SLC14A2: variants seen among roughly 807,000 people sequenced by gnomAD.
SLC14A2 encodes the protein solute carrier family 14 member 2, also known as urea transporter 2.
In SLC14A2, 91 loss-of-function variants were observed where a neutral mutation model predicts 104.6. The ratio of observed to expected loss-of-function variants is 0.87; its 90% CI spans 0.73 to 1.04. The LOEUF (loss-of-function observed/expected upper bound fraction) is 1.04, where lower values mean the gene tolerates loss of function less well. Ranked by LOEUF, SLC14A2 falls within the 50% of genes least tolerant of loss-of-function variation. SLC14A2 has a pLI of 0.00. For synonymous variants in SLC14A2, 476 were observed against 466.4 expected, an observed-to-expected ratio of 1.02 and a Z score of -0.27; for missense variants, 1,189 against 1,156.0, an observed-to-expected ratio of 1.03 and a Z score of -0.41.
the SLC14A2 span, among the ~76,000 whole-genome samples, chr18:45,174,980 T>A: frequency 1.2e-4 from 19 of 152,320 alleles, no homozygotes; most frequent in Non-Finnish European, 2.8e-4. Context: ...TACCCTGTTG[T>A]CAAGGCTGTG....
chr18:45,216,921 C>G (rs963977326), intron 1 of SLC14A2, among the ~76,000 whole-genome samples: 1 of 152,180 alleles, frequency 6.6e-6, no homozygotes, highest in South Asian at 2.1e-4. Flanking sequence ...CTCTTCCTAT[C>G]TGGTGAGAAC....
chr18:45,323,364 C>T (rs1357951175), intron 1 of SLC14A2, among the ~76,000 whole-genome samples: 1 of 152,200 alleles, frequency 6.6e-6, no homozygotes, highest in Non-Finnish European at 1.5e-5. Context: ...TTGTGTTAAA[C>T]ATCATTCTTT....
At chr18:45,546,027 T>G (rs894675775) in intron 2 of SLC14A2, among the ~76,000 whole-genome samples, 1 of 152,350 alleles carries the variant, frequency 6.6e-6, no homozygotes, top group South Asian at 2.1e-4. Flanking sequence ...TTTGGGAACC[T>G]TTTGTATATT....
chr18:45,370,105 C>A (rs1043892132), intron 1 of SLC14A2, among the ~76,000 whole-genome samples: 2 of 152,120 alleles, frequency 1.3e-5, no homozygotes, highest in African/African-American at 4.8e-5. Context: ...CCTGTTCCTG[C>A]CAAATATTCT....
At chr18:45,451,145 A>G (rs1445983711) in intron 1 of SLC14A2, among the ~76,000 whole-genome samples, 1 of 152,210 alleles carries the variant, frequency 6.6e-6, no homozygotes, top group African/African-American at 2.4e-5. Context: ...AAGCACAGAG[A>G]GGTCAATATT....
intron 1 of SLC14A2, among the ~76,000 whole-genome samples, chr18:45,385,973 A>G (rs1290504163): frequency 6.6e-6 from 1 of 152,222 alleles, no homozygotes; most frequent in Non-Finnish European, 1.5e-5. Flanking sequence ...GGTGTGGGTG[A>G]AGCAGAAAAC....
At chr18:45,171,785 G>T in the SLC14A2 span, among the ~76,000 whole-genome samples, 1 of 152,092 alleles carries the variant, frequency 6.6e-6, no homozygotes, top group Admixed American at 6.6e-5. Flanking sequence ...CAATTTATTA[G>T]GACCTGGTGG....
chr18:45,233,550 T>G (rs2084195796), intron 1 of SLC14A2, among the ~76,000 whole-genome samples: 1 of 152,092 alleles, frequency 6.6e-6, no homozygotes. Context: ...CACGAAAATG[T>G]TTAGGCAGAA....
intron 1 of SLC14A2, among the ~76,000 whole-genome samples, chr18:45,425,279 T>A (rs2144531245): frequency 6.6e-6 from 1 of 152,356 alleles, no homozygotes; most frequent in Non-Finnish European, 1.5e-5. Flanking sequence ...ATGTAAGAGA[T>A]ATGTAACAAT....
At chr18:45,572,436 T>G (rs947604596) in intron 2 of SLC14A2, among the ~76,000 whole-genome samples, 2 of 152,194 alleles carry the variant, frequency 1.3e-5, no homozygotes, top group Non-Finnish European at 2.9e-5. Flanking sequence ...TCCCAACATC[T>G]TTTCCAAGTT....
chr18:45,522,234 G>C (rs2043527381), intron 2 of SLC14A2, among the ~76,000 whole-genome samples: 1 of 152,192 alleles, frequency 6.6e-6, no homozygotes, highest in Admixed American at 6.5e-5. Context: ...TCAAGTTCTG[G>C]GTATGATGTG....
chr18:45,523,759 G>T (rs184104648), intron 2 of SLC14A2, among the ~76,000 whole-genome samples: 1 of 152,060 alleles, frequency 6.6e-6, no homozygotes, highest in African/African-American at 2.4e-5. Context: ...GCAACTGCCT[G>T]GATCTCCACT....
At position 45,317,775 on chromosome 18, in the gene SLC14A2, A is replaced by G. The variant is rs140546078; in HGVS notation, c.-125+104584A>G. ...ACACTCTGAATGCCCTGGGCTTGAC[A>G]GATGTCTCCTCCCCTTCTGTCTCCT... On this transcript the variant is annotated intron_variant, in intron 1 of 20. Coordinates refer to the SLC14A2 transcript ENST00000586448. Among the ~76,000 whole-genome samples, 354 of 152,286 alleles carry G rather than the reference A, an allele frequency of 2.3e-3. 1 individual carries two copies. Among genetic ancestry groups the G allele is most frequent in the African/African-American group, 8.3e-3 (345 of 41,560 alleles).
At chr18:45,448,889 T>TAA (rs1234400108) in intron 1 of SLC14A2, among the ~76,000 whole-genome samples, 2 of 152,216 alleles carry the variant, frequency 1.3e-5, no homozygotes, top group African/African-American at 4.8e-5. Context: ...ATTTACTAAA[T>TAA]AGATTTATAG....
chr18:45,624,849 G>T (rs1315289471), intron 2 of SLC14A2, 35 bp downstream of exon 2: 1 of 1,568,484 alleles, frequency 6.4e-7, no homozygotes, highest in East Asian at 2.3e-5. Flanking sequence ...TTTCCTGGGA[G>T]GGAGGGGATG....
intron 10 of SLC14A2, chr18:45,647,322 T>G (rs778246165): frequency 6.6e-6 from 1 of 152,268 alleles, no homozygotes; most frequent in East Asian, 1.9e-4. Flanking sequence ...AATGTTCTCA[T>G]AAAACAATTT....
chr18:45,507,452 G>C (rs1207359533), intron 2 of SLC14A2: 2 of 152,226 alleles, frequency 1.3e-5, no homozygotes, highest in Non-Finnish European at 2.9e-5. Context: ...AGCATTGAGG[G>C]AAGTGCTTTC....
intron 1 of SLC14A2, among the ~76,000 whole-genome samples, chr18:45,226,514 T>C (rs1013022752): frequency 6.6e-6 from 1 of 152,050 alleles, no homozygotes; most frequent in African/African-American, 2.4e-5. Context: ...TTCATGTCCT[T>C]TGTTGGGACA....
chr18:45,243,497 G>A (rs1207463367), intron 1 of SLC14A2, among the ~76,000 whole-genome samples: 3 of 152,162 alleles, frequency 2.0e-5, no homozygotes, highest in Admixed American at 2.0e-4. Flanking sequence ...TGCTCACAAG[G>A]ACTTAAAATG....
Sources: allele counts gnomAD v4.1 joint callset (sites outside exome capture counted in the v4.1 genomes callset), GRCh38; gene constraint gnomAD v4.1.1; transcripts MANE v1.5; gene names NCBI Gene and HGNC (gene_info 2026-07-23, HGNC 2026-07-21).